The following ENTREP2 variants were observed in gnomAD, a reference collection of about 807,000 sequenced individuals.
ENTREP2 encodes protein ENTREP2.
the ENTREP2 span, among the ~76,000 whole-genome samples, chr15:29,657,150 C>G: frequency 2.6e-5 from 4 of 152,152 alleles, no homozygotes; most frequent in Admixed American, 1.3e-4. Context: ...CCCGTTCCGG[C>G]CATTCTCCTG....
chr15:29,270,157 C>T, the ENTREP2 span, among the ~76,000 whole-genome samples: 1 of 152,130 alleles, frequency 6.6e-6, no homozygotes, highest in South Asian at 2.1e-4. Context: ...AAGGGCCGAC[C>T]GTGGAAGTAA....
the ENTREP2 span, among the ~76,000 whole-genome samples, chr15:29,645,268 A>G: frequency 6.6e-6 from 1 of 152,334 alleles, no homozygotes; most frequent in South Asian, 2.1e-4. Context: ...ACCTAGAATT[A>G]AGTCTAAATG....
chr15:29,431,069 A>G, the ENTREP2 span, among the ~76,000 whole-genome samples: 1 of 152,156 alleles, frequency 6.6e-6, no homozygotes, highest in Non-Finnish European at 1.5e-5. Context: ...TGCGGGCCCA[A>G]ACTGTTTTCA....
chr15:29,174,164 CT>C, the ENTREP2 span, among the ~76,000 whole-genome samples: 2 of 152,200 alleles, frequency 1.3e-5, no homozygotes, highest in Non-Finnish European at 2.9e-5. Flanking sequence ...AGGTATTACT[CT>C]TGATTTTGGG....
At chr15:29,261,978 A>G in the ENTREP2 span, among the ~76,000 whole-genome samples, 1 of 151,784 alleles carries the variant, frequency 6.6e-6, no homozygotes, top group Admixed American at 6.6e-5. Context: ...AGGAAACATA[A>G]AGTAATTAAA....
chr15:29,388,057 C>G, the ENTREP2 span, among the ~76,000 whole-genome samples: 7 of 152,028 alleles, frequency 4.6e-5, no homozygotes, highest in Admixed American at 1.3e-4. Flanking sequence ...ACATAGGCAT[C>G]GGCAAGGACT....
chr15:29,269,794 T>A, the ENTREP2 span: 2 of 1,250,164 alleles, frequency 1.6e-6, no homozygotes, highest in South Asian at 3.5e-5. Context: ...CGCCGGTGCC[T>A]GGAGGCGCGC....
chr15:29,493,931 C>T, the ENTREP2 span, among the ~76,000 whole-genome samples: 42 of 152,030 alleles, frequency 2.8e-4, no homozygotes, highest in African/African-American at 9.2e-4. Flanking sequence ...GAGCCAAGAT[C>T]ACACCACTGT....
At chr15:29,492,742 G>A in the ENTREP2 span, among the ~76,000 whole-genome samples, 1 of 152,128 alleles carries the variant, frequency 6.6e-6, no homozygotes, top group Non-Finnish European at 1.5e-5. Context: ...GGTGGCTCAT[G>A]CCTGTAATCC....
At chr15:29,330,379 G>A in the ENTREP2 span, among the ~76,000 whole-genome samples, 1 of 152,036 alleles carries the variant, frequency 6.6e-6, no homozygotes, top group Admixed American at 6.6e-5. Context: ...AACCCGGGAG[G>A]CAGAGACTGC....
At chr15:29,564,615 A>T in the ENTREP2 span, among the ~76,000 whole-genome samples, 1 of 152,130 alleles carries the variant, frequency 6.6e-6, no homozygotes, top group East Asian at 1.9e-4. Context: ...GCCCCTTTCC[A>T]GTTTTGCCAG....
At chr15:29,192,358 T>C in the ENTREP2 span, among the ~76,000 whole-genome samples, 1 of 151,966 alleles carries the variant, frequency 6.6e-6, no homozygotes, top group East Asian at 1.9e-4. Flanking sequence ...GGGGGAAAAA[T>C]GATGTAGAAC....
chr15:29,657,157 C>G, the ENTREP2 span, among the ~76,000 whole-genome samples: 33 of 152,254 alleles, frequency 2.2e-4, no homozygotes, highest in Non-Finnish European at 4.1e-4. Flanking sequence ...CGGCCATTCT[C>G]CTGCCTCCTC....
chr15:29,513,649 T>C, the ENTREP2 span, among the ~76,000 whole-genome samples: 3 of 152,232 alleles, frequency 2.0e-5, no homozygotes, highest in Admixed American at 6.5e-5. Flanking sequence ...ATGATGAACA[T>C]GTGCTCCACT....
chr15:29,295,706 G>A, the ENTREP2 span, among the ~76,000 whole-genome samples: 3 of 152,186 alleles, frequency 2.0e-5, no homozygotes, highest in African/African-American at 7.2e-5. Flanking sequence ...GAAGCACTGC[G>A]ATGTATGTCT....
the ENTREP2 span, among the ~76,000 whole-genome samples, chr15:29,572,485 C>T: frequency 6.6e-6 from 1 of 151,920 alleles, no homozygotes; most frequent in Non-Finnish European, 1.5e-5. Context: ...TTCATTCATT[C>T]ATTCATCCGT....
At chr15:29,160,176 G>A in the ENTREP2 span, among the ~76,000 whole-genome samples, 69,406 of 152,146 alleles carry the variant, frequency 0.46, 17,952 homozygotes, top group East Asian at 0.69. Flanking sequence ...CTCCCAGTGC[G>A]GGGCCGCGGA....
At chr15:29,337,964 T>C in the ENTREP2 span, among the ~76,000 whole-genome samples, 1,214 of 152,312 alleles carry the variant, frequency 8.0e-3, 19 homozygotes, top group African/African-American at 0.028. Flanking sequence ...GAGGGTCATT[T>C]TTCTTATCTG....
the ENTREP2 span, among the ~76,000 whole-genome samples, chr15:29,490,395 G>A: frequency 3.3e-5 from 5 of 152,224 alleles, no homozygotes; most frequent in African/African-American, 7.2e-5. Context: ...CAACATGGAA[G>A]AGAACCCAAA....
Sources: gnomAD v4.1 joint callset for allele counts (sites outside exome capture counted in the v4.1 genomes callset) on GRCh38, gnomAD v4.1.1 for gene constraint, MANE v1.5 for transcripts, NCBI Gene and HGNC (gene_info 2026-07-23, HGNC 2026-07-21) for gene names.